Variants in ITPR1 observed in about 807,000 individuals in gnomAD.
ITPR1 encodes the protein inositol 1,4,5-trisphosphate receptor type 1, also known as inositol 1,4,5-trisphosphate-gated calcium channel ITPR1.
Under a neutral mutation model 318.4 loss-of-function variants are expected in ITPR1, and 96 were observed. The ratio of observed to expected loss-of-function variants is 0.30; its 90% CI spans 0.26 to 0.36. The LOEUF is 0.36. Among genes scored for constraint, ITPR1 ranks in the 10% least tolerant of loss-of-function variants. The pLI is 1.00. For missense variants in ITPR1, 2,440 were observed against 3,460.2 expected (o/e 0.71, Z 7.40); for synonymous variants, 1,312 against 1,289.9 (o/e 1.02, Z -0.37).
chr3:4,731,489 C>A (rs1459509372), intron 42 of ITPR1, among the ~76,000 whole-genome samples: 2 of 152,176 alleles, frequency 1.3e-5, no homozygotes, highest in Non-Finnish European at 2.9e-5. Context: ...CCCTCCTTTG[C>A]TGAACTATGA....
chr3:4,746,299 AG>A (rs1435421056), intron 44 of ITPR1, among the ~76,000 whole-genome samples: 1 of 152,134 alleles, frequency 6.6e-6, no homozygotes, highest in Non-Finnish European at 1.5e-5. Flanking sequence ...TGGAGTATGG[AG>A]CCCATGGCCA....
At chr3:4,735,783 T>C (rs1397276570) in intron 44 of ITPR1, among the ~76,000 whole-genome samples, 1 of 152,238 alleles carries the variant, frequency 6.6e-6, no homozygotes, top group Non-Finnish European at 1.5e-5. Context: ...TATCTATAGA[T>C]ACCACAGCTG....
chr3:4,633,765 A>G (rs2093091601), intron 5 of ITPR1, among the ~76,000 whole-genome samples: 1 of 152,254 alleles, frequency 6.6e-6, no homozygotes, highest in African/African-American at 2.4e-5. Context: ...TTACCTTGAA[A>G]CAAGCACCTA....
At chr3:4,529,587 AAAGTCTCCT>A (rs2083254079) in intron 4 of ITPR1, among the ~76,000 whole-genome samples, 1 of 152,218 alleles carries the variant, frequency 6.6e-6, no homozygotes, top group Admixed American at 6.5e-5. Flanking sequence ...AGGGATTTAG[AAAGTCTCCT>A]GGGGTCAAAG....
At chr3:4,780,527 T>C (rs1475833894) in intron 49 of ITPR1, among the ~76,000 whole-genome samples, 1 of 152,178 alleles carries the variant, frequency 6.6e-6, no homozygotes, top group Non-Finnish European at 1.5e-5. Flanking sequence ...GAGCTCTCTA[T>C]TTGGACTCTT....
At chr3:4,845,975 T>A (rs1290360143) in intron 61 of ITPR1, among the ~76,000 whole-genome samples, 164 bp from the exon 62 acceptor site, 1 of 152,222 alleles carries the variant, frequency 6.6e-6, no homozygotes, top group African/African-American at 2.4e-5. Flanking sequence ...CCTAAGAAGA[T>A]GCCTTTTTTG....
At chr3:4,634,658 C>T (rs1317702912) in intron 5 of ITPR1, among the ~76,000 whole-genome samples, 1 of 152,216 alleles carries the variant, frequency 6.6e-6, no homozygotes, top group East Asian at 1.9e-4. Flanking sequence ...TTGTGTTCCT[C>T]AAAGATAACC....
chr3:4,663,108 G>A lies in ITPR1; in HGVS notation c.1456G>A (p.Gly486Ser). Residue 486 changes from glycine (G) to serine (S), a missense_variant, in exon 16 of 62, where the codon GGT (glycine) becomes AGT (serine). Physicochemically the swap from Gly to Ser is moderately conservative, Grantham distance 56. Around this residue, in one of 23 missense-constraint regions of ITPR1, gnomAD observed 478 missense variants for 696.3 expected, o/e 0.69. Transcript: ENST00000649015. Reference sequence around the variant, plus strand: ...AGAAGATTTGGTTTACTTCGTCACTGGTGGAACTAATTCTGGTCAAGATGT... The same window carrying A: ...AGAAGATTTGGTTTACTTCGTCACTAGTGGAACTAATTCTGGTCAAGATGT... ...LLEDLVYFVTGGTNSGQDVLE... is the reference protein window; with the variant it reads ...LLEDLVYFVTSGTNSGQDVLE... 1 of 1,613,698 alleles carries A rather than the reference G, an allele frequency of 6.2e-7. No homozygotes were observed. The highest frequency in any genetic ancestry group is 8.5e-7 in the Non-Finnish European group (1 of 1,179,710).
At chr3:4,684,517 G>A (rs2094356716) in intron 29 of ITPR1, among the ~76,000 whole-genome samples, 171 bp downstream of exon 29, 1 of 152,172 alleles carries the variant, frequency 6.6e-6, no homozygotes, top group South Asian at 2.1e-4. Flanking sequence ...CATCAGATCT[G>A]GGCTCCACAC....
intron 4 of ITPR1, among the ~76,000 whole-genome samples, chr3:4,539,359 G>A (rs2084193062): frequency 6.6e-6 from 1 of 152,120 alleles, no homozygotes; most frequent in African/African-American, 2.4e-5. Context: ...CAAATTTTAT[G>A]CATGTTCTAC....
intron 44 of ITPR1, among the ~76,000 whole-genome samples, chr3:4,765,101 G>A (rs552390881): frequency 2.4e-4 from 37 of 152,156 alleles, no homozygotes; most frequent in Non-Finnish European, 4.7e-4. Flanking sequence ...GGCAGTAAAA[G>A]GCAATGAAGG....
intron 11 of ITPR1, among the ~76,000 whole-genome samples, chr3:4,652,762 AT>A (rs1207543510): frequency 6.6e-6 from 1 of 152,172 alleles, no homozygotes; most frequent in African/African-American, 2.4e-5. Context: ...GCTCACACCT[AT>A]AATCCCAGCA....
intron 4 of ITPR1, among the ~76,000 whole-genome samples, chr3:4,609,644 G>T (rs1159211739): frequency 6.6e-6 from 1 of 151,838 alleles, no homozygotes; most frequent in African/African-American, 2.4e-5. Flanking sequence ...GGGTCACAAC[G>T]TATTCAATGG....
In ITPR1 at chr3:4,811,257, T is replaced by G. The variant is rs767393094; in HGVS notation, c.7273-8T>G. 6.5e-7 allele frequency: 1 copy of G among 1,541,886 alleles called. No individual in the cohort carries two copies. The highest frequency in any genetic ancestry group is 8.7e-7 in the Non-Finnish European group (1 of 1,145,516). ...GCTTCTTAAAATTCTTTTTGTTTGTTTTCAAAGCTTTTTGATTTAGTGTAC... is the reference window on the plus strand; with the variant it reads ...GCTTCTTAAAATTCTTTTTGTTTGTGTTCAAAGCTTTTTGATTTAGTGTAC... On this transcript the variant is annotated splice_polypyrimidine_tract_variant and splice_region_variant and intron_variant, in intron 55 of 61. Transcript: ENST00000649015.
chr3:4,494,233 T>C (rs1223821317), intron 1 of ITPR1, among the ~76,000 whole-genome samples, 198 bp from the exon 2 acceptor site: 3 of 152,196 alleles, frequency 2.0e-5, no homozygotes, highest in African/African-American at 7.2e-5. Flanking sequence ...GTCAGTTACA[T>C]CCTGGAAATA....
chr3:4,800,683 C>T (rs1424287038), intron 54 of ITPR1, 83 bp downstream of exon 54: 1 of 1,391,244 alleles, frequency 7.2e-7, no homozygotes, highest in East Asian at 2.3e-5. Context: ...GAATCCTGGC[C>T]TGTGCTTTCA....
At chr3:4,840,764 A>C (rs1046159224) in intron 61 of ITPR1, among the ~76,000 whole-genome samples, 1 of 152,184 alleles carries the variant, frequency 6.6e-6, no homozygotes, top group African/African-American at 2.4e-5. Context: ...CTGAACACTA[A>C]ATGTGATTCT....
intron 4 of ITPR1, among the ~76,000 whole-genome samples, chr3:4,569,568 A>G (rs2087761980): frequency 6.6e-6 from 1 of 152,228 alleles, no homozygotes; most frequent in African/African-American, 2.4e-5. Context: ...CAAATCTCTG[A>G]TGCCTTTTAG....
chr3:4,711,210 CA>C lies in ITPR1; in HGVS notation c.4992-522del, dbSNP rs1169754547. 8.1e-3 allele frequency among the ~76,000 whole-genome samples: 468 copies of C among 57,902 alleles called. 4 individuals carry two copies. Among genetic ancestry groups the C allele is most frequent in the East Asian group, 0.015 (24 of 1,640 alleles). The allele number at this position is 57,902 out of a possible 152,430, so 38.0% of individuals were successfully genotyped here. A position where few individuals can be genotyped will look rare whatever the true frequency, so the allele number is the denominator to read the frequency against. On this transcript the variant is annotated intron_variant, in intron 38 of 61. Transcript: ENST00000649015. ...TGGGTGGCAGAACGAGACCTTGTCT[CA>C]AAAAAAAAAAAAAAAAAAAAAAAAG...
Sources: allele counts gnomAD v4.1 joint callset (sites outside exome capture counted in the v4.1 genomes callset), GRCh38; gene constraint gnomAD v4.1.1; regional missense constraint gnomAD v4.1.1; transcripts MANE v1.5; gene names NCBI Gene and HGNC (gene_info 2026-07-23, HGNC 2026-07-21).